The following GTF2F2 variants were observed in gnomAD, a reference collection of about 807,000 sequenced individuals.
GTF2F2 encodes the protein general transcription factor IIF subunit 2.
In GTF2F2, 23 loss-of-function variants were observed where a neutral mutation model predicts 42.2. That is an observed-to-expected ratio of 0.55 (90% CI 0.39 to 0.77). GTF2F2 has a LOEUF of 0.77. Among genes scored for constraint, GTF2F2 ranks in the 30% least tolerant of loss-of-function variants. The pLI is 0.00. For missense variants in GTF2F2, 261 were observed against 287.2 expected (o/e 0.91, Z 0.66); for synonymous variants, 105 against 100.8 (o/e 1.04, Z -0.25).
At chr13:45,178,149 A>T (rs1265792709) in intron 4 of GTF2F2, among the ~76,000 whole-genome samples, 5 of 151,846 alleles carry the variant, frequency 3.3e-5, no homozygotes, top group Non-Finnish European at 7.4e-5. Flanking sequence ...TGAGATTCTG[A>T]TGAAACAAAT....
At chr13:45,233,493 G>A (rs770438657) in intron 5 of GTF2F2, among the ~76,000 whole-genome samples, 2 of 152,144 alleles carry the variant, frequency 1.3e-5, no homozygotes, top group Admixed American at 6.5e-5. Context: ...CTGTAGGTTC[G>A]GTTGCCAATT....
rs566993607 is a variant in GTF2F2, at chr13:45,163,594, C to T, written c.304+11763C>T. ...CGGTATTAAAACTAAGTAATTGAAA[C>T]AATTGTAATTTTAAAATACTTTAAT... is the stretch of plus-strand genomic sequence containing the variant. On this transcript the variant is annotated intron_variant, in intron 4 of 7. Transcript: ENST00000340473. 2.1e-4 allele frequency among the ~76,000 whole-genome samples: 32 copies of T among 152,142 alleles called. No homozygotes were observed. The South Asian group carries it at 5.4e-3, about 26-fold the overall frequency.
At chr13:45,260,238 A>T (rs967292683) in intron 6 of GTF2F2, among the ~76,000 whole-genome samples, 2 of 152,170 alleles carry the variant, frequency 1.3e-5, no homozygotes, top group Non-Finnish European at 2.9e-5. Flanking sequence ...TCTATGCATA[A>T]ATTTGAATTT....
At chr13:45,222,544 A>C (rs766352876) in intron 5 of GTF2F2, among the ~76,000 whole-genome samples, 16 of 152,214 alleles carry the variant, frequency 1.1e-4, no homozygotes, top group Non-Finnish European at 2.4e-4. Context: ...TGGATAAGGA[A>C]TTAAAGATGT....
At chr13:45,231,064 T>G (rs1457434305) in intron 5 of GTF2F2, among the ~76,000 whole-genome samples, 1 of 151,732 alleles carries the variant, frequency 6.6e-6, no homozygotes, top group Non-Finnish European at 1.5e-5. Flanking sequence ...TTTTATTTTT[T>G]AATTTTCATT....
intron 5 of GTF2F2, among the ~76,000 whole-genome samples, chr13:45,242,455 T>C (rs973529929): frequency 2.6e-5 from 4 of 152,112 alleles, no homozygotes; most frequent in African/African-American, 9.7e-5. Context: ...ACACATTCTT[T>C]TGTAGAACCT....
intron 5 of GTF2F2, among the ~76,000 whole-genome samples, chr13:45,238,009 A>G (rs559789155): frequency 1.3e-5 from 2 of 152,292 alleles, no homozygotes; most frequent in African/African-American, 4.8e-5. Flanking sequence ...GCTGGAGTGC[A>G]GTGGCGTCAT....
chr13:45,233,908 G>C (rs1406886790), intron 5 of GTF2F2, among the ~76,000 whole-genome samples: 1 of 152,154 alleles, frequency 6.6e-6, no homozygotes, highest in Non-Finnish European at 1.5e-5. Context: ...GCGCGTCTCT[G>C]TCTCAAAAAC....
chr13:45,146,995 A>G (rs1343640587), intron 2 of GTF2F2, among the ~76,000 whole-genome samples: 1 of 152,244 alleles, frequency 6.6e-6, no homozygotes, highest in African/African-American at 2.4e-5. Flanking sequence ...TAAGTCTTCA[A>G]GGATTAGCTT....
intron 1 of GTF2F2, among the ~76,000 whole-genome samples, chr13:45,124,723 C>T (rs1868884033): frequency 6.6e-6 from 1 of 152,088 alleles, no homozygotes; most frequent in African/African-American, 2.4e-5. Flanking sequence ...TGCCACCACA[C>T]CCACCTAATT....
At chr13:45,212,455 C>CTTTCCT (rs1873697955) in intron 5 of GTF2F2, among the ~76,000 whole-genome samples, 3 of 96,594 alleles carry the variant, frequency 3.1e-5, no homozygotes, top group Non-Finnish European at 6.4e-5. Context: ...TTGTTTCTTT[C>CTTTCCT]TTTCTTTCTT....
chr13:45,142,057 G>A (rs1157737164), intron 2 of GTF2F2, among the ~76,000 whole-genome samples: 3 of 152,106 alleles, frequency 2.0e-5, no homozygotes, highest in Non-Finnish European at 4.4e-5. Context: ...TACATTCCTT[G>A]TTTTTCTCAC....
At chr13:45,257,290 A>G (rs1235921925) in intron 6 of GTF2F2, among the ~76,000 whole-genome samples, 1 of 152,172 alleles carries the variant, frequency 6.6e-6, no homozygotes, top group Non-Finnish European at 1.5e-5. Context: ...TCTTCTTACT[A>G]GGATATGACA....
intron 5 of GTF2F2, among the ~76,000 whole-genome samples, chr13:45,226,073 A>T (rs1874338604): frequency 6.6e-6 from 1 of 151,186 alleles, no homozygotes; most frequent in African/African-American, 2.4e-5. Flanking sequence ...AAAAAAAAGC[A>T]ATGTCATAGA....
intron 5 of GTF2F2, among the ~76,000 whole-genome samples, chr13:45,230,146 G>A (rs1389137773): frequency 6.6e-6 from 1 of 152,024 alleles, no homozygotes; most frequent in African/African-American, 2.4e-5. Context: ...AACCCATGAG[G>A]CGGAGGTTAC....
intron 5 of GTF2F2, among the ~76,000 whole-genome samples, chr13:45,210,124 G>A (rs1349009262): frequency 1.3e-5 from 2 of 152,118 alleles, no homozygotes; most frequent in African/African-American, 4.8e-5. Context: ...CATGCCATTC[G>A]TCTTTTCAAG....
intron 4 of GTF2F2, among the ~76,000 whole-genome samples, chr13:45,180,810 T>A (rs1176657076): frequency 6.6e-6 from 1 of 152,136 alleles, no homozygotes; most frequent in Non-Finnish European, 1.5e-5. Context: ...AAGAAGTATA[T>A]TTTTGTATTG....
intron 4 of GTF2F2, among the ~76,000 whole-genome samples, chr13:45,153,110 C>T (rs542385947): frequency 4.6e-5 from 7 of 151,374 alleles, no homozygotes; most frequent in South Asian, 2.1e-4. Flanking sequence ...ACCGGGTTCA[C>T]GCCATTCTCC....
At chr13:45,271,002 T>A (rs1876765138) in intron 7 of GTF2F2, among the ~76,000 whole-genome samples, 1 of 152,138 alleles carries the variant, frequency 6.6e-6, no homozygotes, top group Non-Finnish European at 1.5e-5. Flanking sequence ...TGAAAACTAG[T>A]CCCTGATTGG....
Sources: gnomAD v4.1 joint callset for allele counts (sites outside exome capture counted in the v4.1 genomes callset) on GRCh38, gnomAD v4.1.1 for gene constraint, MANE v1.5 for transcripts, NCBI Gene and HGNC (gene_info 2026-07-23, HGNC 2026-07-21) for gene names.